ARHGEF38: variants seen among roughly 807,000 people sequenced by gnomAD.
ARHGEF38 encodes Rho guanine nucleotide exchange factor (GEF) 38.
In ARHGEF38, 79 loss-of-function variants were observed where a neutral mutation model predicts 79.9. That is an observed-to-expected ratio of 0.99 (90% CI 0.82 to 1.19). The LOEUF is 1.19. Ranked by LOEUF, ARHGEF38 falls within the 50% of genes most tolerant of loss-of-function variation. The probability of loss-of-function intolerance (pLI) is 0.00; values close to 1 mark genes in which losing one functional copy is unlikely to be tolerated. For missense variants in ARHGEF38, 962 were observed against 907.2 expected, an observed-to-expected ratio of 1.06 and a Z score of -0.78; for synonymous variants, 366 against 328.3, an observed-to-expected ratio of 1.11 and a Z score of -1.24.
At chr4:105,660,998 C>T (rs902120705) in intron 10 of ARHGEF38, among the ~76,000 whole-genome samples, 2 of 152,160 alleles carry the variant, frequency 1.3e-5, no homozygotes, top group African/African-American at 4.8e-5. Context: ...TCCTAACCTC[C>T]CCAGCTCTAG....
In ARHGEF38 at chr4:105,679,601, GA is replaced by G. The variant is rs1209024614; in HGVS notation, c.*1671del. ...CTATCAGTATCTGAGCTGATGGTTG[GA>G]AAAAAATCAACAGCAGCATAAGAAA... On this transcript the variant is annotated 3_prime_UTR_variant, in exon 14 of 14. Coordinates refer to ENST00000420470, the MANE Select transcript of ARHGEF38 (RefSeq NM_001242729.2). The G allele has an allele frequency of 1.1e-5, 10 of 887,648 alleles. No homozygotes were observed. The highest frequency in any genetic ancestry group is 3.9e-5 in the South Asian group (3 of 76,086). 55.0% of individuals were successfully genotyped at this position (887,648 alleles called of 1,614,324 possible).
intron 1 of ARHGEF38, among the ~76,000 whole-genome samples, chr4:105,553,794 G>A (rs1383608688): frequency 6.6e-6 from 1 of 152,008 alleles, no homozygotes; most frequent in African/African-American, 2.4e-5. Flanking sequence ...TTGTTATGTG[G>A]TCCTCCAGAA....
At chr4:105,593,867 T>A (rs541035620) in intron 2 of ARHGEF38, among the ~76,000 whole-genome samples, 1 of 152,346 alleles carries the variant, frequency 6.6e-6, no homozygotes, top group South Asian at 2.1e-4. Context: ...ACTTTTCCAT[T>A]ATGGTAACAT....
At chr4:105,648,712 T>C in intron 7 of ARHGEF38, 30 bp downstream of exon 7, 3 of 1,489,518 alleles carry the variant, frequency 2.0e-6, no homozygotes, top group East Asian at 2.5e-5. Flanking sequence ...CACCCACCTT[T>C]TCCCAGGGAA....
At chr4:105,567,866 G>T (rs923836902) in intron 1 of ARHGEF38, among the ~76,000 whole-genome samples, 1 of 151,338 alleles carries the variant, frequency 6.6e-6, no homozygotes, top group Non-Finnish European at 1.5e-5. Context: ...GTGCCACGCT[G>T]GTGCGCTGCA....
At chr4:105,623,575 T>C (rs149745171) in intron 3 of ARHGEF38, among the ~76,000 whole-genome samples, 100 of 152,328 alleles carry the variant, frequency 6.6e-4, no homozygotes, top group African/African-American at 2.4e-3. Context: ...TGCCTTAAGA[T>C]GTCAGTTGTT....
chr4:105,561,846 A>G (rs1049498557), intron 1 of ARHGEF38, among the ~76,000 whole-genome samples: 16 of 152,228 alleles, frequency 1.1e-4, no homozygotes, highest in Non-Finnish European at 1.5e-5. Flanking sequence ...TTTACATAAC[A>G]TTTTAACAAA....
chr4:105,565,361 TC>T (rs1396040272), intron 1 of ARHGEF38, among the ~76,000 whole-genome samples: 26 of 152,222 alleles, frequency 1.7e-4, no homozygotes, highest in African/African-American at 6.3e-4. Flanking sequence ...GGGTCAGATT[TC>T]CATTGAAACT....
In ARHGEF38 at chr4:105,678,487, CTT is replaced by C. The variant is rs953421267; in HGVS notation, c.*552_*553del. On this transcript the variant is annotated 3_prime_UTR_variant, in exon 14 of 14. Transcript: ENST00000420470. ...GAAGAATATACCACCAACTAGAAGT[CTT>C]TGATAATATATTTTGTTAATGTTTC... is the stretch of plus-strand genomic sequence containing the variant. The C allele has an allele frequency of 6.6e-6, 1 of 152,034 alleles. No individual in the cohort carries two copies. Among genetic ancestry groups the C allele is most frequent in the Non-Finnish European group, 1.5e-5 (1 of 68,014 alleles). The allele number at this position is 152,034 out of a possible 1,614,324, so 9.4% of individuals were successfully genotyped here. A position where few individuals can be genotyped will look rare whatever the true frequency, so the allele number is the denominator to read the frequency against.
At chr4:105,556,689 C>T (rs567241858) in intron 1 of ARHGEF38, among the ~76,000 whole-genome samples, 1 of 152,108 alleles carries the variant, frequency 6.6e-6, no homozygotes, top group Non-Finnish European at 1.5e-5. Context: ...TTAACTGTTG[C>T]ATCTCAGCAG....
intron 1 of ARHGEF38, among the ~76,000 whole-genome samples, chr4:105,573,293 T>C (rs1158430412): frequency 6.6e-6 from 1 of 152,178 alleles, no homozygotes; most frequent in Non-Finnish European, 1.5e-5. Flanking sequence ...TGAGCCTTTG[T>C]CATATCCAAG....
At chr4:105,581,494 A>C (rs1010827200) in intron 1 of ARHGEF38, among the ~76,000 whole-genome samples, 4 of 152,126 alleles carry the variant, frequency 2.6e-5, no homozygotes, top group African/African-American at 7.2e-5. Context: ...ATTGCATTCT[A>C]TAAAATTTTC....
chr4:105,672,890 T>A (rs939693409), intron 13 of ARHGEF38, among the ~76,000 whole-genome samples: 11 of 152,242 alleles, frequency 7.2e-5, no homozygotes, highest in Admixed American at 6.5e-4. Context: ...TCTCAAATCC[T>A]TGCCATGTGG....
At chr4:105,626,735 G>A (rs939328961) in intron 3 of ARHGEF38, among the ~76,000 whole-genome samples, 3 of 151,760 alleles carry the variant, frequency 2.0e-5, no homozygotes, top group Non-Finnish European at 4.4e-5. Flanking sequence ...ACACAATCTG[G>A]TCAGTTACCT....
In ARHGEF38 at chr4:105,679,754, G is replaced by A. The variant is rs1005509505; in HGVS notation, c.*1817G>A. ...ACATGTCTTAGTTGACCTTTCTCTT[G>A]GTTGATAAAAACATATACAAACCCC... On this transcript the variant is annotated 3_prime_UTR_variant, in exon 14 of 14. Coordinates refer to ENST00000420470, the MANE Select transcript of ARHGEF38 (RefSeq NM_001242729.2). 27 of 892,830 alleles carry A rather than the reference G, an allele frequency of 3.0e-5. No individual in the cohort carries two copies. The highest frequency in any genetic ancestry group is 4.9e-5 in the Non-Finnish European group (26 of 531,096). 55.3% of individuals were successfully genotyped at this position (892,830 alleles called of 1,614,324 possible). A position where few individuals can be genotyped will look rare whatever the true frequency, so the allele number is the denominator to read the frequency against.
At chr4:105,620,848 T>C (rs957730718) in intron 3 of ARHGEF38, among the ~76,000 whole-genome samples, 6 of 152,228 alleles carry the variant, frequency 3.9e-5, no homozygotes, top group African/African-American at 1.2e-4. Context: ...ATATTGACTC[T>C]GGACTGGCCC....
intron 5 of ARHGEF38, among the ~76,000 whole-genome samples, chr4:105,637,779 G>A (rs995370233): frequency 2.0e-5 from 3 of 152,114 alleles, no homozygotes; most frequent in Admixed American, 1.3e-4. Context: ...ATTCTTCTTA[G>A]TACAATTTGC....
In ARHGEF38 at chr4:105,654,139, G is replaced by A. The variant is rs1351584574; in HGVS notation, c.1083G>A (p.Lys361=). The change falls in exon 8 of 14, where the codon AAG becomes AAA. Residue 361 remains lysine, a synonymous_variant. Transcript: ENST00000420470. The stretch of plus-strand genomic sequence containing the variant: ...AAAAGACTGTGAGGCTTTGTGTGAA[G>A]AACATTTCACTCTGTCTTCAACACA... ...ALEKTVRLCV[K]NISLCLQHIQ... 6.6e-7 allele frequency: 1 copy of A among 1,516,374 alleles called. No homozygotes were observed. The highest frequency in any genetic ancestry group is 1.4e-5 in the African/African-American group (1 of 72,862). The allele number at this position is 1,516,374 out of a possible 1,614,324, so 93.9% of individuals were successfully genotyped here.
chr4:105,601,332 G>T (rs1036564756), intron 2 of ARHGEF38, among the ~76,000 whole-genome samples: 2 of 152,066 alleles, frequency 1.3e-5, no homozygotes, highest in South Asian at 2.1e-4. Flanking sequence ...CTTCATGTCC[G>T]TCAAGACTTT....
Sources: allele counts gnomAD v4.1 joint callset (sites outside exome capture counted in the v4.1 genomes callset), GRCh38; gene constraint gnomAD v4.1.1; transcripts MANE v1.5; gene names NCBI Gene and HGNC (gene_info 2026-07-23, HGNC 2026-07-21).